DLG2: variants seen among roughly 807,000 people sequenced by gnomAD.
DLG2 encodes discs large MAGUK scaffold protein 2.
A neutral mutation model predicts 132.5 loss-of-function variants in DLG2; 45 were observed. The ratio of observed to expected loss-of-function variants is 0.34; its 90% confidence interval spans 0.27 to 0.44. DLG2 has a LOEUF of 0.44. Ranked by LOEUF, DLG2 falls within the 20% of genes least tolerant of loss-of-function variation. DLG2 has a pLI of 1.00. For synonymous variants in DLG2, 424 were observed against 419.6 expected (o/e 1.01, Z -0.13); for missense variants, 1,045 against 1,196.9 (o/e 0.87, Z 1.87).
At chr11:85,103,789 C>A (rs917939167) in intron 6 of DLG2, among the ~76,000 whole-genome samples, 1 of 151,922 alleles carries the variant, frequency 6.6e-6, no homozygotes, top group Admixed American at 6.6e-5. Context: ...AGATAACCCA[C>A]AGAACAGGAG....
intron 7 of DLG2, among the ~76,000 whole-genome samples, chr11:84,483,648 AC>A (rs1474043475): frequency 6.6e-6 from 1 of 152,112 alleles, no homozygotes; most frequent in African/African-American, 2.4e-5. Context: ...TTATCCAAAA[AC>A]CTTTTTAAAT....
chr11:84,619,024 A>G (rs1471077604), intron 6 of DLG2, among the ~76,000 whole-genome samples: 1 of 152,022 alleles, frequency 6.6e-6, no homozygotes, highest in East Asian at 1.9e-4. Context: ...GAAAAATGTA[A>G]ACAATTAATA....
chr11:83,483,351 GAGGA>G, intron 22 of DLG2: 3 of 1,420,652 alleles, frequency 2.1e-6, no homozygotes, highest in African/African-American at 2.8e-5. Context: ...AGCCACGGAA[GAGGA>G]AGGAAGAAGT....
At chr11:84,580,433 A>AGAC (rs1422404088) in intron 6 of DLG2, among the ~76,000 whole-genome samples, 4 of 152,194 alleles carry the variant, frequency 2.6e-5, no homozygotes, top group African/African-American at 9.7e-5. Flanking sequence ...TTAACTCTTG[A>AGAC]GACGTGTGTT....
chr11:84,488,075 C>T (rs1044275043), intron 7 of DLG2, among the ~76,000 whole-genome samples: 2 of 152,152 alleles, frequency 1.3e-5, no homozygotes, highest in African/African-American at 4.8e-5. Flanking sequence ...CTTTCTCTCA[C>T]TTTACTGAAA....
intron 18 of DLG2, among the ~76,000 whole-genome samples, chr11:83,745,331 AT>A (rs2092825564): frequency 1.3e-5 from 2 of 152,220 alleles, no homozygotes; most frequent in African/African-American, 4.8e-5. Context: ...ATAAAATTGC[AT>A]TGATTTAGCT....
At chr11:85,217,318 T>TCTCTCACACACACA (rs370686252) in intron 4 of DLG2, among the ~76,000 whole-genome samples, 2 of 143,930 alleles carry the variant, frequency 1.4e-5, no homozygotes, top group African/African-American at 5.2e-5. Flanking sequence ...TCTCTCTCTC[T>TCTCTCACACACACA]CACACACACA....
chr11:84,043,533 C>T (rs1291586269), intron 11 of DLG2, among the ~76,000 whole-genome samples: 1 of 151,702 alleles, frequency 6.6e-6, no homozygotes, highest in African/African-American at 2.4e-5. Flanking sequence ...TCTTCCTCCC[C>T]AAACCCTCCA....
At chr11:85,513,743 A>G (rs286512) in intron 3 of DLG2, among the ~76,000 whole-genome samples, 135,050 of 151,858 alleles carry the variant, frequency 0.89, 60,302 homozygotes, top group African/African-American at 0.91. Context: ...CTGTCATGCC[A>G]TTAGAAGTAT....
chr11:85,595,414 T>C (rs1463320753), intron 3 of DLG2, among the ~76,000 whole-genome samples: 1 of 152,208 alleles, frequency 6.6e-6, no homozygotes, highest in African/African-American at 2.4e-5. Context: ...AAAGTGTTGA[T>C]GCTGTAATCA....
At chr11:83,568,247 T>C (rs2096741409) in intron 19 of DLG2, among the ~76,000 whole-genome samples, 1 of 152,058 alleles carries the variant, frequency 6.6e-6, no homozygotes. Flanking sequence ...AATTATTGAA[T>C]GAGGATAGGA....
chr11:84,696,717 A>G (rs2058653238), intron 6 of DLG2, among the ~76,000 whole-genome samples: 3 of 151,436 alleles, frequency 2.0e-5, no homozygotes, highest in Admixed American at 2.0e-4. Flanking sequence ...GTGAGAAATG[A>G]AATAATGTTA....
intron 2 of DLG2, among the ~76,000 whole-genome samples, chr11:85,613,096 A>T (rs957651591): frequency 6.6e-6 from 1 of 152,200 alleles, no homozygotes; most frequent in African/African-American, 2.4e-5. Flanking sequence ...AACGCCTTTC[A>T]AACTCTTACC....
chr11:83,646,419 GAAGGAAAAGCTCT>G (rs962671702), intron 18 of DLG2, among the ~76,000 whole-genome samples: 2 of 152,032 alleles, frequency 1.3e-5, no homozygotes, highest in Admixed American at 6.6e-5. Context: ...GGGAAAGAAG[GAAGGAAAAGCTCT>G]AATTTCTTCT....
At chr11:84,532,218 G>T (rs1478909806) in intron 7 of DLG2, among the ~76,000 whole-genome samples, 1 of 131,936 alleles carries the variant, frequency 7.6e-6, no homozygotes, top group Non-Finnish European at 1.6e-5. Flanking sequence ...TTCCATTTTT[G>T]AATCCCAGAA....
At chr11:85,483,872 A>T (rs1377235813) in intron 3 of DLG2, among the ~76,000 whole-genome samples, 3 of 149,698 alleles carry the variant, frequency 2.0e-5, no homozygotes, top group Admixed American at 6.6e-5. Flanking sequence ...TGAACCCAGG[A>T]TGCAGAGGTT....
chr11:84,549,573 T>G (rs1351963583), intron 6 of DLG2, among the ~76,000 whole-genome samples: 1 of 152,170 alleles, frequency 6.6e-6, no homozygotes, highest in African/African-American at 2.4e-5. Context: ...CAACCAGCAG[T>G]GCGACTTTAG....
chr11:84,859,421 C>CAT (rs1163138933), intron 6 of DLG2, among the ~76,000 whole-genome samples: 12 of 140,360 alleles, frequency 8.5e-5, no homozygotes, highest in African/African-American at 3.2e-4. Context: ...TATATGTATA[C>CAT]ATATACATAT....
At chr11:83,562,966 C>CTTTTT (rs527949325) in intron 19 of DLG2, among the ~76,000 whole-genome samples, 1 of 81,368 alleles carries the variant, frequency 1.2e-5, no homozygotes, top group Non-Finnish European at 2.2e-5. Flanking sequence ...TTCCCTAATT[C>CTTTTT]TTTTTTTTTT....
Sources: allele counts gnomAD v4.1 joint callset (sites outside exome capture counted in the v4.1 genomes callset), GRCh38; gene constraint gnomAD v4.1.1; transcripts MANE v1.5; gene names NCBI Gene and HGNC (gene_info 2026-07-23, HGNC 2026-07-21).